Variants in AKAP13 observed in about 807,000 individuals in gnomAD.
AKAP13 encodes A-kinase anchoring protein 13.
AKAP13 carries 80 observed loss-of-function variants against 264.5 expected under a neutral mutation model. The ratio of observed to expected loss-of-function variants is 0.30; its 90% CI spans 0.25 to 0.36. The LOEUF is 0.36. Ranked by LOEUF, AKAP13 falls within the 10% of genes least tolerant of loss-of-function variation. The pLI is 1.00. For missense variants in AKAP13, 3,712 were observed against 3,435.2 expected, an observed-to-expected ratio of 1.08 and a Z score of -2.01; for synonymous variants, 1,380 against 1,250.2, an observed-to-expected ratio of 1.10 and a Z score of -2.19.
intron 8 of AKAP13, chr15:85,619,698 C>T (rs1596746794): frequency 9.1e-6 from 9 of 993,792 alleles, no homozygotes; most frequent in Middle Eastern, 5.1e-4. Context: ...CTACGTGTAT[C>T]GGCCGTTATG....
At chr15:85,491,539 T>C (rs1169521229) in intron 2 of AKAP13, among the ~76,000 whole-genome samples, 2 of 143,352 alleles carry the variant, frequency 1.4e-5, no homozygotes, top group African/African-American at 5.1e-5. Flanking sequence ...ATTTTATATA[T>C]AATATATATA....
chr15:85,453,551 G>T (rs542755810), intron 1 of AKAP13, among the ~76,000 whole-genome samples: 1 of 152,358 alleles, frequency 6.6e-6, no homozygotes, highest in Non-Finnish European at 1.5e-5. Flanking sequence ...GGCACCTATA[G>T]GAAGTGGCTG....
At chr15:85,446,688 C>T (rs934098651) in intron 1 of AKAP13, among the ~76,000 whole-genome samples, 1 of 150,116 alleles carries the variant, frequency 6.7e-6, no homozygotes, top group Non-Finnish European at 1.5e-5. Flanking sequence ...CCCCGCTTTG[C>T]CCAGCCCTTC....
intron 23 of AKAP13, 129 bp from the exon 24 acceptor site, chr15:85,721,862 A>G (rs1332344467): frequency 6.9e-7 from 1 of 1,446,242 alleles, no homozygotes; most frequent in South Asian, 1.4e-5. Context: ...CTGCTGCACC[A>G]TTTCATTCTT....
intron 1 of AKAP13, among the ~76,000 whole-genome samples, chr15:85,393,370 C>A (rs939929857): frequency 6.6e-6 from 1 of 152,142 alleles, no homozygotes; most frequent in Non-Finnish European, 1.5e-5. Context: ...CACATGAAGC[C>A]TTGGGGGCTG....
chr15:85,681,912 T>TA (rs1211249482), intron 14 of AKAP13, among the ~76,000 whole-genome samples: 1 of 152,184 alleles, frequency 6.6e-6, no homozygotes, highest in African/African-American at 2.4e-5. Context: ...GGAGTCTTTT[T>TA]AGTTACTTGA....
intron 35 of AKAP13, among the ~76,000 whole-genome samples, chr15:85,741,980 G>A (rs927018915): frequency 2.0e-5 from 3 of 152,048 alleles, no homozygotes; most frequent in Non-Finnish European, 2.9e-5. Context: ...GGGAGGTGGG[G>A]ATTGCAGCGA....
intron 10 of AKAP13, among the ~76,000 whole-genome samples, chr15:85,646,851 T>G (rs2082581586): frequency 6.6e-6 from 1 of 152,334 alleles, no homozygotes; most frequent in East Asian, 1.9e-4. Flanking sequence ...TTATATTTGT[T>G]TCTAGTGGCA....
chr15:85,686,167 A>ATGTG (rs1260899169), intron 16 of AKAP13, among the ~76,000 whole-genome samples: 2 of 105,630 alleles, frequency 1.9e-5, no homozygotes, highest in African/African-American at 3.9e-5. Flanking sequence ...GTGTGTGTGT[A>ATGTG]TGTGTGTGTG....
chr15:85,632,631 A>C (rs1162000337), intron 8 of AKAP13, among the ~76,000 whole-genome samples: 1 of 152,194 alleles, frequency 6.6e-6, no homozygotes, highest in Non-Finnish European at 1.5e-5. Flanking sequence ...TTACTCAGAA[A>C]TTAGCATATT....
At chr15:85,666,950 TTTCTC>T (rs1222981222) in intron 13 of AKAP13, among the ~76,000 whole-genome samples, 3 of 152,320 alleles carry the variant, frequency 2.0e-5, no homozygotes, top group East Asian at 1.9e-4. Context: ...CTGCAAGTCT[TTTCTC>T]TTCCTCTTGG....
intron 5 of AKAP13, among the ~76,000 whole-genome samples, chr15:85,569,290 G>A (rs2151285836): frequency 6.6e-6 from 1 of 152,228 alleles, no homozygotes; most frequent in South Asian, 2.1e-4. Context: ...GGAAAGGATA[G>A]ATGAAAGAAG....
At chr15:85,521,321 G>C in intron 2 of AKAP13, 107 bp from the exon 3 acceptor site, 2 of 1,351,164 alleles carry the variant, frequency 1.5e-6, no homozygotes, top group Non-Finnish European at 2.1e-6. Flanking sequence ...ATGGGGGCAT[G>C]GTTTAGATGA....
intron 12 of AKAP13, chr15:85,662,405 C>T (rs763908818): frequency 6.2e-7 from 1 of 1,614,186 alleles, no homozygotes; most frequent in Non-Finnish European, 8.5e-7. Flanking sequence ...TGGTGCCCCT[C>T]TGGTGTGCAG....
chr15:85,671,353 G>GA (rs1193882102), intron 14 of AKAP13, among the ~76,000 whole-genome samples: 1 of 147,062 alleles, frequency 6.8e-6, no homozygotes, highest in African/African-American at 2.5e-5. Flanking sequence ...AGAGGATCAT[G>GA]AGCCCAGGAG....
intron 1 of AKAP13, among the ~76,000 whole-genome samples, chr15:85,438,072 T>C (rs1019052973): frequency 4.8e-5 from 7 of 145,782 alleles, no homozygotes; most frequent in Admixed American, 1.4e-4. Flanking sequence ...AAAACCCCAT[T>C]GTCTCAGCCC....
In AKAP13 at chr15:85,680,047, A is replaced by G. The variant is rs376408913; in HGVS notation, c.5102-2111A>G. ...ATAGATTCTCCTAGTACTCAATCAC[A>G]TATGTGTTCAGTCTTTAATTTATTC... On this transcript the variant is annotated intron_variant, in intron 14 of 36. Transcript: ENST00000394518. Among the ~76,000 whole-genome samples, 31 of 152,348 alleles carry G rather than the reference A, an allele frequency of 2.0e-4. No homozygotes were observed. In the East Asian group the frequency reaches 5.0e-3, roughly 25 times the overall value.
At chr15:85,397,992 T>C (rs2150826529) in intron 1 of AKAP13, among the ~76,000 whole-genome samples, 1 of 152,336 alleles carries the variant, frequency 6.6e-6, no homozygotes, top group Middle Eastern at 3.4e-3. Flanking sequence ...AGTATCCATA[T>C]TTTATGGATG....
intron 1 of AKAP13, among the ~76,000 whole-genome samples, chr15:85,391,843 G>A (rs967308644): frequency 1.3e-4 from 19 of 151,856 alleles, no homozygotes; most frequent in African/African-American, 3.6e-4. Context: ...GGAGTGCAGC[G>A]GTGCGATCTC....
Sources: allele counts gnomAD v4.1 joint callset (sites outside exome capture counted in the v4.1 genomes callset), GRCh38; gene constraint gnomAD v4.1.1; transcripts MANE v1.5; gene names NCBI Gene and HGNC (gene_info 2026-07-23, HGNC 2026-07-21).